Variants in PPARGC1A observed in about 807,000 individuals in gnomAD.
PPARGC1A encodes PPARG coactivator 1 alpha.
A neutral mutation model predicts 88.7 loss-of-function variants in PPARGC1A; 25 were observed. The observed-to-expected ratio is 0.28, with a 90% CI of 0.21 to 0.39. PPARGC1A has a LOEUF of 0.39. Ranked by LOEUF, PPARGC1A falls within the 10% of genes least tolerant of loss-of-function variation. PPARGC1A has a pLI of 1.00. For missense variants in PPARGC1A, 880 were observed against 968.7 expected, an observed-to-expected ratio of 0.91 and a Z score of 1.22; for synonymous variants, 363 against 355.6, an observed-to-expected ratio of 1.02 and a Z score of -0.24.
At chr4:24,301,522 C>T in the PPARGC1A span, among the ~76,000 whole-genome samples, 10 of 149,360 alleles carry the variant, frequency 6.7e-5, no homozygotes, top group South Asian at 2.1e-4. Flanking sequence ...CAGTTGAGAG[C>T]GGTTACGGTC....
At chr4:23,936,429 G>A in the PPARGC1A span, among the ~76,000 whole-genome samples, 1 of 152,140 alleles carries the variant, frequency 6.6e-6, no homozygotes, top group South Asian at 2.1e-4. Context: ...ATGAAAAGCA[G>A]CAGAGGGAGT....
chr4:24,179,478 T>C, the PPARGC1A span, among the ~76,000 whole-genome samples: 2 of 151,984 alleles, frequency 1.3e-5, no homozygotes, highest in Non-Finnish European at 2.9e-5. Context: ...CACTCTTCCA[T>C]GTTCTCTCTC....
chr4:24,025,093 A>T, the PPARGC1A span, among the ~76,000 whole-genome samples: 1 of 152,210 alleles, frequency 6.6e-6, no homozygotes. Flanking sequence ...CTGTTTCTAA[A>T]CTGGGAATTT....
At chr4:24,148,981 A>G in the PPARGC1A span, among the ~76,000 whole-genome samples, 17 of 152,274 alleles carry the variant, frequency 1.1e-4, no homozygotes, top group Middle Eastern at 3.4e-3. Flanking sequence ...ACTAGCATCA[A>G]AGGCTGCATT....
the PPARGC1A span, among the ~76,000 whole-genome samples, chr4:24,336,657 C>T: frequency 6.6e-6 from 1 of 152,170 alleles, no homozygotes; most frequent in Non-Finnish European, 1.5e-5. Flanking sequence ...TCATCAACAT[C>T]ATTATGGCTG....
chr4:23,953,365 C>G, the PPARGC1A span, among the ~76,000 whole-genome samples: 1 of 152,178 alleles, frequency 6.6e-6, no homozygotes, highest in Non-Finnish European at 1.5e-5. Flanking sequence ...TTACTCCGTA[C>G]TATTCCTTTT....
the PPARGC1A span, among the ~76,000 whole-genome samples, chr4:24,323,582 A>C: frequency 0.033 from 5,040 of 152,030 alleles, 316 homozygotes; most frequent in African/African-American, 0.12. Context: ...CCCAAATCCT[A>C]TAAAATGGCC....
At chr4:24,079,408 A>G in the PPARGC1A span, among the ~76,000 whole-genome samples, 1 of 152,008 alleles carries the variant, frequency 6.6e-6, no homozygotes, top group African/African-American at 2.4e-5. Context: ...TTGGTAACAT[A>G]TATCTTCTGT....
the PPARGC1A span, among the ~76,000 whole-genome samples, chr4:24,240,082 T>A: frequency 6.6e-6 from 1 of 152,164 alleles, no homozygotes; most frequent in African/African-American, 2.4e-5. Context: ...AAATGGAAAG[T>A]GTAGTACAAA....
the PPARGC1A span, among the ~76,000 whole-genome samples, chr4:24,181,660 A>T: frequency 1.3e-5 from 2 of 152,182 alleles, no homozygotes; most frequent in African/African-American, 4.8e-5. Context: ...GTTAAGAGAA[A>T]GACCTCATAC....
At chr4:24,137,476 TC>T in the PPARGC1A span, among the ~76,000 whole-genome samples, 1 of 152,136 alleles carries the variant, frequency 6.6e-6, no homozygotes, top group Non-Finnish European at 1.5e-5. Context: ...GCACAGTCCC[TC>T]AAGGAATGCT....
chr4:24,361,919 A>C, the PPARGC1A span, among the ~76,000 whole-genome samples: 2 of 152,224 alleles, frequency 1.3e-5, no homozygotes, highest in African/African-American at 2.4e-5. Flanking sequence ...AGTCTCCTCA[A>C]ATACAAATCC....
the PPARGC1A span, among the ~76,000 whole-genome samples, chr4:24,421,879 C>T: frequency 6.6e-6 from 1 of 151,982 alleles, no homozygotes; most frequent in African/African-American, 2.4e-5. Flanking sequence ...ACATATAATA[C>T]TGCTTTTCCA....
chr4:24,272,124 A>G, the PPARGC1A span, among the ~76,000 whole-genome samples: 3 of 152,014 alleles, frequency 2.0e-5, no homozygotes, highest in Non-Finnish European at 4.4e-5. Context: ...TTTCTCACTC[A>G]GTGCTGAGTC....
At chr4:24,401,673 G>A in the PPARGC1A span, among the ~76,000 whole-genome samples, 1 of 152,214 alleles carries the variant, frequency 6.6e-6, no homozygotes, top group African/African-American at 2.4e-5. Context: ...GAAAGAGCAT[G>A]GCAGAGTCGT....
intron 1 of PPARGC1A, 42 bp downstream of exon 1, chr4:23,889,862 G>T (rs754090668): frequency 1.2e-6 from 2 of 1,603,280 alleles, no homozygotes; most frequent in South Asian, 1.1e-5. Flanking sequence ...TCTGAGGGAA[G>T]CGTCAGTTGT....
chr4:24,330,963 C>A, the PPARGC1A span, among the ~76,000 whole-genome samples: 2 of 152,278 alleles, frequency 1.3e-5, no homozygotes, highest in South Asian at 2.1e-4. Context: ...CTATCATGAT[C>A]CCCTCTCTGA....
At chr4:24,071,900 T>C in the PPARGC1A span, among the ~76,000 whole-genome samples, 1 of 152,150 alleles carries the variant, frequency 6.6e-6, no homozygotes, top group Non-Finnish European at 1.5e-5. Flanking sequence ...CTAGGAAAAT[T>C]ACTTGCCATC....
the PPARGC1A span, among the ~76,000 whole-genome samples, chr4:24,202,929 C>T: frequency 1.6e-3 from 241 of 152,286 alleles, 2 homozygotes; most frequent in African/African-American, 5.4e-3. Flanking sequence ...GTGCCAGTGA[C>T]CTTTAGAGAG....
Sources: allele counts gnomAD v4.1 joint callset (sites outside exome capture counted in the v4.1 genomes callset), GRCh38; gene constraint gnomAD v4.1.1; transcripts MANE v1.5; gene names NCBI Gene and HGNC (gene_info 2026-07-23, HGNC 2026-07-21).